Variants in CYTH3 observed in about 807,000 individuals in gnomAD.
CYTH3 encodes the protein cytohesin-3.
In CYTH3, 23 loss-of-function variants were observed where a neutral mutation model predicts 55.1. That is an observed-to-expected ratio of 0.42 (90% confidence interval 0.30 to 0.59). The LOEUF (loss-of-function observed/expected upper bound fraction) is 0.59, where lower values mean the gene tolerates loss of function less well. Among genes scored for constraint, CYTH3 ranks in the 20% least tolerant of loss-of-function variants. The probability of loss-of-function intolerance (pLI) is 0.20; values close to 1 mark genes in which losing one functional copy is unlikely to be tolerated. For missense variants in CYTH3, 413 were observed against 524.8 expected, an observed-to-expected ratio of 0.79 and a Z score of 2.08; for synonymous variants, 249 against 194.9, an observed-to-expected ratio of 1.28 and a Z score of -2.31.
At chr7:6,217,015 T>A (rs1784443236) in intron 1 of CYTH3, among the ~76,000 whole-genome samples, 1 of 151,848 alleles carries the variant, frequency 6.6e-6, no homozygotes, top group African/African-American at 2.4e-5. Flanking sequence ...CAGGTTCAAG[T>A]GATTCTCCTG....
intron 2 of CYTH3, among the ~76,000 whole-genome samples, chr7:6,189,587 G>A (rs983124795): frequency 1.3e-5 from 2 of 152,010 alleles, no homozygotes; most frequent in Admixed American, 6.6e-5. Context: ...GGGATAACAG[G>A]TGTGAGCCGC....
At chr7:6,225,616 A>C (rs986573924) in intron 1 of CYTH3, among the ~76,000 whole-genome samples, 7 of 152,110 alleles carry the variant, frequency 4.6e-5, no homozygotes, top group Middle Eastern at 3.4e-3. Flanking sequence ...TTGGCCTCTC[A>C]AAGTGCTGGG....
intron 4 of CYTH3, among the ~76,000 whole-genome samples, chr7:6,179,886 CCA>C (rs1400122072): frequency 1.7e-5 from 2 of 118,938 alleles, no homozygotes; most frequent in African/African-American, 3.6e-5. Context: ...ACCACACACA[CCA>C]CACACACCCA....
chr7:6,174,641 G>C (rs1783294531), intron 5 of CYTH3, among the ~76,000 whole-genome samples: 1 of 146,546 alleles, frequency 6.8e-6, no homozygotes, highest in Non-Finnish European at 1.5e-5. Context: ...TCCACCTCCT[G>C]GGTTCAAGCG....
chr7:6,226,190 TGA>T (rs1779246189), intron 1 of CYTH3, among the ~76,000 whole-genome samples: 1 of 152,332 alleles, frequency 6.6e-6, no homozygotes, highest in African/African-American at 2.4e-5. Context: ...TGAAGGGCTC[TGA>T]GAGGTCTCCC....
intron 4 of CYTH3, among the ~76,000 whole-genome samples, chr7:6,182,721 G>T (rs186312979): frequency 6.6e-6 from 1 of 151,766 alleles, no homozygotes; most frequent in Non-Finnish European, 1.5e-5. Flanking sequence ...ACTATGTTAG[G>T]CTGGTTTTGA....
intron 2 of CYTH3, 121 bp downstream of exon 2, chr7:6,190,325 TTTG>T (rs2128544041): frequency 1.2e-6 from 1 of 828,872 alleles, no homozygotes; most frequent in South Asian, 1.8e-5. Flanking sequence ...ATCTTTTTTT[TTTG>T]TTATTTTTTG....
chr7:6,187,849 A>C, intron 2 of CYTH3, 128 bp from the exon 3 acceptor site: 1 of 757,768 alleles, frequency 1.3e-6, no homozygotes, highest in Non-Finnish European at 2.4e-6. Flanking sequence ...GGATGGAAAA[A>C]CCAATACTAT....
chr7:6,262,798 A>C (rs1004520026), intron 1 of CYTH3, among the ~76,000 whole-genome samples: 1 of 152,254 alleles, frequency 6.6e-6, no homozygotes, highest in East Asian at 1.9e-4. Context: ...ACATGCCTGT[A>C]GTCCTAGCTA....
intron 1 of CYTH3, among the ~76,000 whole-genome samples, chr7:6,220,574 C>CAAAAA (rs1191450197): frequency 6.4e-5 from 4 of 62,068 alleles, no homozygotes; most frequent in African/African-American, 1.7e-4. Flanking sequence ...CATCCTGTCT[C>CAAAAA]AAAAAAAAAA....
intron 1 of CYTH3, 64 bp downstream of exon 1, chr7:6,272,410 G>T: frequency 8.2e-7 from 1 of 1,216,618 alleles, no homozygotes; most frequent in Non-Finnish European, 1.1e-6. Flanking sequence ...CCGCGCCCTC[G>T]ACCCCCAGCC....
chr7:6,255,570 C>T (rs1780076279), intron 1 of CYTH3, among the ~76,000 whole-genome samples: 1 of 152,034 alleles, frequency 6.6e-6, no homozygotes, highest in Non-Finnish European at 1.5e-5. Flanking sequence ...CAGAAAGGCC[C>T]CCACCACAGC....
Position 6,187,730 on chromosome 7 carries a change from AAAG to A in CYTH3, c.118-12_118-10del, listed in dbSNP as rs774776798. The A allele has an allele frequency of 3.1e-5, 50 of 1,613,972 alleles. No homozygotes were observed. Among genetic ancestry groups the A allele is most frequent in the Non-Finnish European group, 3.4e-5 (40 of 1,179,856 alleles). Reference sequence around the variant, plus strand: ...ATTTCATATTTCAGCCTCTGTCAAAAAAGAAGAATTTCGAGGTGGGGAGTGGGT... The same window carrying A: ...ATTTCATATTTCAGCCTCTGTCAAAAAAGAATTTCGAGGTGGGGAGTGGGT... On this transcript the variant is annotated splice_polypyrimidine_tract_variant and intron_variant, in intron 2 of 12. Transcript: ENST00000350796.
At position 6,239,070 on chromosome 7, in the gene CYTH3, C is replaced by T. The variant is rs1440975173; in HGVS notation, c.34+33404G>A. On this transcript the variant is annotated intron_variant, in intron 1 of 12. Transcript: ENST00000350796. ...CTCTACAAAAAATACAAAAATTAGC[C>T]AAGCATGGTGGTACATGCCTGTAGT... is the stretch of plus-strand genomic sequence containing the variant. Among the ~76,000 whole-genome samples the T allele has an allele frequency of 3.9e-5, 6 of 152,062 alleles. No individual in the cohort carries two copies. The East Asian group carries it at 1.2e-3, about 29-fold the overall frequency.
At chr7:6,216,518 T>C (rs1784431007) in intron 1 of CYTH3, among the ~76,000 whole-genome samples, 1 of 151,744 alleles carries the variant, frequency 6.6e-6, no homozygotes, top group South Asian at 2.1e-4. Context: ...GTGGGTGGAT[T>C]ACCTGAGCTC....
intron 1 of CYTH3, among the ~76,000 whole-genome samples, chr7:6,234,148 T>C (rs1779459375): frequency 6.6e-6 from 1 of 152,198 alleles, no homozygotes; most frequent in South Asian, 2.1e-4. Context: ...GCAGAACTGA[T>C]CAACTATCCA....
At chr7:6,239,092 T>C (rs914691095) in intron 1 of CYTH3, among the ~76,000 whole-genome samples, 1 of 152,112 alleles carries the variant, frequency 6.6e-6, no homozygotes, top group Non-Finnish European at 1.5e-5. Context: ...TACATGCCTG[T>C]AGTCCCAACT....
In CYTH3 at chr7:6,187,159, A is replaced by C. The variant is rs138772987; in HGVS notation, c.183-43T>G. The C allele has an allele frequency of 5.5e-4, 873 of 1,587,566 alleles. 3 individuals are homozygous for C. The African/African-American group carries it at 0.01, about 19-fold the overall frequency. On this transcript the variant is annotated intron_variant, in intron 3 of 12. Transcript: ENST00000350796. ...TTTAAAAATCACTCATGCTGTTTTC[A>C]CAATGCAGCCCAGTCACGGCCCTCC...
Position 6,272,573 on chromosome 7 carries a change from C to A in CYTH3, c.-66G>T, listed in dbSNP as rs963623296. 62 of 1,152,158 alleles carry A rather than the reference C, an allele frequency of 5.4e-5. No homozygotes were observed. The African/African-American group carries it at 9.6e-4, about 18-fold the overall frequency. The allele number at this position is 1,152,158 out of a possible 1,614,324, so 71.4% of individuals were successfully genotyped here. A position where few individuals can be genotyped will look rare whatever the true frequency, so the allele number is the denominator to read the frequency against. ...GCAGAGGGGCCGCGGGCTGGGGACG[C>A]CGCCGGAGGGAGCGCGCAGGCGACC... On this transcript the variant is annotated 5_prime_UTR_variant, in exon 1 of 13. Coordinates refer to ENST00000350796, the MANE Select transcript of CYTH3 (RefSeq NM_004227.4).
Sources: gnomAD v4.1 joint callset for allele counts (sites outside exome capture counted in the v4.1 genomes callset) on GRCh38, gnomAD v4.1.1 for gene constraint, MANE v1.5 for transcripts, NCBI Gene and HGNC (gene_info 2026-07-23, HGNC 2026-07-21) for gene names.